MYO1D: variants seen among roughly 807,000 people sequenced by gnomAD.
MYO1D encodes unconventional myosin-Id.
Under a neutral mutation model 122.0 loss-of-function variants are expected in MYO1D, and 83 were observed. The observed-to-expected ratio is 0.68, with a 90% confidence interval of 0.57 to 0.82. MYO1D has a LOEUF of 0.82. Ranked by LOEUF, MYO1D falls within the 40% of genes least tolerant of loss-of-function variation. The probability of loss-of-function intolerance (pLI) is 0.00; values close to 1 mark genes in which losing one functional copy is unlikely to be tolerated. For synonymous variants in MYO1D, 464 were observed against 446.9 expected (o/e 1.04, Z -0.48); for missense variants, 1,157 against 1,269.5 (o/e 0.91, Z 1.35).
intron 16 of MYO1D, among the ~76,000 whole-genome samples, chr17:32,710,544 A>G (rs942809690): frequency 5.4e-4 from 82 of 152,312 alleles, no homozygotes; most frequent in African/African-American, 1.7e-3. Flanking sequence ...AGCCTTCTTA[A>G]AGAAAATTCC....
At chr17:32,815,583 G>A (rs1008179340) in intron 1 of MYO1D, among the ~76,000 whole-genome samples, 3 of 152,248 alleles carry the variant, frequency 2.0e-5, no homozygotes, top group South Asian at 2.1e-4. Flanking sequence ...CTTCCCTCTC[G>A]TAGATTTGCC....
At chr17:32,821,534 T>TCTCACA (rs1555545455) in intron 1 of MYO1D, among the ~76,000 whole-genome samples, 3 of 143,158 alleles carry the variant, frequency 2.1e-5, no homozygotes, top group African/African-American at 5.0e-5. Context: ...GATAAGTAAA[T>TCTCACA]CACACATACA....
chr17:32,697,259 T>C (rs1318355371), intron 16 of MYO1D, among the ~76,000 whole-genome samples: 1 of 152,242 alleles, frequency 6.6e-6, no homozygotes, highest in Admixed American at 6.5e-5. Flanking sequence ...ATTACTCATT[T>C]TAAAATGCAT....
At chr17:32,776,164 A>T (rs2090170167) in intron 3 of MYO1D, 135 bp from the exon 4 acceptor site, 2 of 735,526 alleles carry the variant, frequency 2.7e-6, no homozygotes, top group Admixed American at 3.3e-5. Flanking sequence ...ATATCAAAAA[A>T]AAAACAAACA....
At chr17:32,731,938 G>A (rs1477736056) in intron 14 of MYO1D, among the ~76,000 whole-genome samples, 4 of 152,248 alleles carry the variant, frequency 2.6e-5, no homozygotes, top group African/African-American at 9.6e-5. Context: ...TGGCTTGGAT[G>A]TGCTGCTCCC....
chr17:32,707,070 T>C (rs1329721090), intron 16 of MYO1D, among the ~76,000 whole-genome samples: 1 of 151,730 alleles, frequency 6.6e-6, no homozygotes, highest in Non-Finnish European at 1.5e-5. Flanking sequence ...ATATTGAGAG[T>C]GAAAATTTTC....
chr17:32,809,134 T>TAAA (rs371101816), intron 1 of MYO1D, among the ~76,000 whole-genome samples: 2,985 of 134,512 alleles, frequency 0.022, 87 homozygotes, highest in African/African-American at 0.069. Flanking sequence ...TTGTTTTTGA[T>TAAA]AAAAAAAAAA....
rs1260837403 is a variant in MYO1D at position 32,653,887 on chromosome 17, TC to T, written c.2550del (p.Lys851ArgfsTer5). 1 of 1,614,060 alleles carries T rather than the reference TC, an allele frequency of 6.2e-7. No homozygotes were observed. Among genetic ancestry groups the T allele is most frequent in the Admixed American group, 1.7e-5 (1 of 60,008 alleles). ...TFVPVANELK[R>X]KDKYMNVLFS... is the part of the protein sequence containing the mutation. ...AAGAGGACATTCATGTATTTGTCCT[TC>T]CGTTTCAATTCATTAGCAACAGGGA... On this transcript the variant is annotated frameshift_variant, in exon 19 of 22. Transcript: ENST00000318217. LOFTEE classifies it high-confidence loss of function.
chr17:32,539,374 T>A (rs960190949), intron 21 of MYO1D, among the ~76,000 whole-genome samples: 2 of 152,022 alleles, frequency 1.3e-5, no homozygotes, highest in Admixed American at 1.3e-4. Context: ...TTGATTTTTT[T>A]AAAAACCATA....
chr17:32,534,619 A>C (rs1281372405), intron 21 of MYO1D, among the ~76,000 whole-genome samples: 1 of 152,230 alleles, frequency 6.6e-6, no homozygotes, highest in Non-Finnish European at 1.5e-5. Context: ...GAGGCTTATC[A>C]GTGAGTCCTA....
rs764071918 is a variant in MYO1D at position 32,764,875 on chromosome 17, C to T, written c.1035+3G>A. On this transcript the variant is annotated splice_donor_region_variant and intron_variant, in intron 8 of 21. Transcript: ENST00000318217. ...GGTGACATAGGGTCAGTTACACTCT[C>T]ACCTTGGCAAAGGCGTCTCTGCCGT... The T allele has an allele frequency of 2.5e-6, 4 of 1,613,894 alleles. No homozygotes were observed. The highest frequency in any genetic ancestry group is 1.7e-5 in the Admixed American group (1 of 60,030).
chr17:32,651,651 C>T (rs552772523), intron 19 of MYO1D, among the ~76,000 whole-genome samples: 14 of 152,002 alleles, frequency 9.2e-5, no homozygotes, highest in African/African-American at 3.1e-4. Flanking sequence ...TCCTTTTCTC[C>T]CCACATAGAT....
intron 1 of MYO1D, among the ~76,000 whole-genome samples, chr17:32,820,985 C>T (rs1476621399): frequency 6.6e-6 from 1 of 152,058 alleles, no homozygotes; most frequent in Non-Finnish European, 1.5e-5. Flanking sequence ...AGGTATTAAG[C>T]CTTGTACCCA....
intron 21 of MYO1D, among the ~76,000 whole-genome samples, chr17:32,562,684 T>G (rs1433128322): frequency 6.6e-6 from 1 of 152,110 alleles, no homozygotes; most frequent in African/African-American, 2.4e-5. Context: ...GGTTCTGCTA[T>G]GTTGCCCAGG....
intron 20 of MYO1D, among the ~76,000 whole-genome samples, chr17:32,613,986 G>C (rs567900783): frequency 2.0e-5 from 3 of 150,432 alleles, no homozygotes; most frequent in Non-Finnish European, 2.9e-5. Flanking sequence ...GTATACCATG[G>C]TATATAAAAC....
At chr17:32,689,686 A>C (rs2089068434) in intron 16 of MYO1D, among the ~76,000 whole-genome samples, 1 of 152,168 alleles carries the variant, frequency 6.6e-6, no homozygotes, top group Admixed American at 6.5e-5. Context: ...TCATTTTGTT[A>C]AAATATCGTC....
intron 21 of MYO1D, among the ~76,000 whole-genome samples, chr17:32,591,885 AAC>A (rs2087442174): frequency 6.6e-6 from 1 of 152,076 alleles, no homozygotes; most frequent in African/African-American, 2.4e-5. Flanking sequence ...CTTTTGAAAA[AAC>A]ACCTTCAGGT....
chr17:32,736,717 T>C (rs1308353299), intron 14 of MYO1D, among the ~76,000 whole-genome samples: 18 of 152,220 alleles, frequency 1.2e-4, no homozygotes, highest in Admixed American at 9.8e-4. Flanking sequence ...AAACAATTCT[T>C]TTTCTAGTTA....
At chr17:32,861,643 C>T (rs1242191268) in intron 1 of MYO1D, among the ~76,000 whole-genome samples, 5 of 152,098 alleles carry the variant, frequency 3.3e-5, no homozygotes, top group African/African-American at 1.2e-4. Context: ...TCTTCACCTG[C>T]CCCTACTTTG....
Sources: gnomAD v4.1 joint callset for allele counts (sites outside exome capture counted in the v4.1 genomes callset) on GRCh38, gnomAD v4.1.1 for gene constraint, MANE v1.5 for transcripts, NCBI Gene and HGNC (gene_info 2026-07-23, HGNC 2026-07-21) for gene names.